CAPZB: variants seen among roughly 807,000 people sequenced by gnomAD.
The protein encoded by CAPZB is capping actin protein of muscle Z-line subunit beta.
CAPZB carries 2 observed loss-of-function variants against 38.1 expected under a neutral mutation model. The observed-to-expected ratio is 0.05, with a 90% CI of 0.02 to 0.17. The LOEUF is 0.17. CAPZB is among the 10% of genes least tolerant of loss of function. The pLI, the probability that CAPZB is intolerant of heterozygous loss-of-function variation, is 1.00. For missense variants in CAPZB, 161 were observed against 334.2 expected (o/e 0.48, Z 4.04); for synonymous variants, 107 against 127.4 (o/e 0.84, Z 1.08).
At chr1:19,362,090 G>C (rs2094056072) in intron 4 of CAPZB, among the ~76,000 whole-genome samples, 1 of 152,192 alleles carries the variant, frequency 6.6e-6, no homozygotes, top group African/African-American at 2.4e-5. Flanking sequence ...ATGGGCCCAG[G>C]ACTCACTACC....
rs1156712866 is a variant in CAPZB, at chr1:19,338,996, G to C, written c.*534C>G. 1 of 152,656 alleles carries C rather than the reference G, an allele frequency of 6.6e-6. No homozygotes were observed. Among genetic ancestry groups the C allele is most frequent in the Non-Finnish European group, 1.5e-5 (1 of 68,546 alleles). The allele number at this position is 152,656 out of a possible 1,614,324, so 9.5% of individuals were successfully genotyped here. On this transcript the variant is annotated 3_prime_UTR_variant, in exon 9 of 9. Transcript: ENST00000264202. ...CAGCCCCCACCCCGCGGCCTCCGTG[G>C]GACGGGAGAGTCTGCGCAGGACGGC...
chr1:19,389,531 C>T (rs1308167366), intron 2 of CAPZB, among the ~76,000 whole-genome samples: 1 of 152,188 alleles, frequency 6.6e-6, no homozygotes, highest in African/African-American at 2.4e-5. Context: ...AGGTTCATGC[C>T]ATTCTCCTGC....
At chr1:19,413,593 C>T (rs1443956889) in intron 2 of CAPZB, among the ~76,000 whole-genome samples, 1 of 152,172 alleles carries the variant, frequency 6.6e-6, no homozygotes, top group Non-Finnish European at 1.5e-5. Flanking sequence ...CTTGGCCTCC[C>T]AAAGTGCTGG....
intron 1 of CAPZB, among the ~76,000 whole-genome samples, chr1:19,428,156 A>G (rs1484846537): frequency 1.3e-5 from 2 of 152,252 alleles, no homozygotes; most frequent in African/African-American, 4.8e-5. Context: ...TAATCCCAGC[A>G]CTTTGGGAGG....
chr1:19,354,954 AAGT>A (rs1270454014), intron 6 of CAPZB, among the ~76,000 whole-genome samples: 1 of 152,124 alleles, frequency 6.6e-6, no homozygotes, highest in Non-Finnish European at 1.5e-5. Context: ...CAAAAAGGCT[AAGT>A]GCCCCCTGTG....
chr1:19,458,707 C>A (rs773945870), intron 1 of CAPZB, among the ~76,000 whole-genome samples: 4 of 152,222 alleles, frequency 2.6e-5, no homozygotes, highest in Non-Finnish European at 5.9e-5. Context: ...CCCTGCTCTG[C>A]GCTACCACCC....
intron 2 of CAPZB, among the ~76,000 whole-genome samples, chr1:19,410,884 C>T (rs1398736515): frequency 1.3e-5 from 2 of 152,186 alleles, no homozygotes; most frequent in African/African-American, 4.8e-5. Context: ...CCCCACAGCA[C>T]GCATCACCTA....
intron 2 of CAPZB, among the ~76,000 whole-genome samples, chr1:19,396,978 G>A (rs976809358): frequency 2.0e-5 from 3 of 151,688 alleles, no homozygotes; most frequent in Non-Finnish European, 2.9e-5. Context: ...AAAGATTATC[G>A]TATTGGCTTG....
chr1:19,388,142 G>A (rs773900048), intron 2 of CAPZB, among the ~76,000 whole-genome samples: 3 of 152,146 alleles, frequency 2.0e-5, no homozygotes, highest in African/African-American at 4.8e-5. Flanking sequence ...AATAGGGTTT[G>A]GTATAAAAGA....
chr1:19,464,872 G>A (rs771106904), intron 1 of CAPZB, among the ~76,000 whole-genome samples: 8 of 152,130 alleles, frequency 5.3e-5, no homozygotes, highest in Non-Finnish European at 1.0e-4. Flanking sequence ...TGGTTGTCTA[G>A]GGATGGGGAA....
At chr1:19,433,686 T>C (rs2094449409) in intron 1 of CAPZB, among the ~76,000 whole-genome samples, 1 of 152,240 alleles carries the variant, frequency 6.6e-6, no homozygotes, top group South Asian at 2.1e-4. Flanking sequence ...GTGCTGCTTT[T>C]TTGACTTATG....
At chr1:19,393,582 G>C (rs1191029805) in intron 2 of CAPZB, among the ~76,000 whole-genome samples, 1 of 152,196 alleles carries the variant, frequency 6.6e-6, no homozygotes, top group Non-Finnish European at 1.5e-5. Flanking sequence ...CTCTTCCAAA[G>C]ACCAGGCCCC....
chr1:19,414,483 A>G (rs2094370863), intron 2 of CAPZB, among the ~76,000 whole-genome samples: 1 of 152,162 alleles, frequency 6.6e-6, no homozygotes, highest in Admixed American at 6.5e-5. Context: ...AAGTCTGGGG[A>G]CACCCAAGAG....
intron 1 of CAPZB, chr1:19,484,588 G>A (rs994396377): frequency 9.8e-6 from 12 of 1,229,432 alleles, no homozygotes; most frequent in Non-Finnish European, 1.2e-5. Context: ...GCACAGCACC[G>A]GGACCACCCC....
chr1:19,455,711 C>T (rs11591124), intron 1 of CAPZB, among the ~76,000 whole-genome samples: 23 of 152,154 alleles, frequency 1.5e-4, no homozygotes, highest in Non-Finnish European at 2.4e-4. Context: ...TTGGCCCTGA[C>T]GCCAATTGTC....
intron 1 of CAPZB, among the ~76,000 whole-genome samples, chr1:19,483,287 T>A (rs1191176832): frequency 6.6e-6 from 1 of 152,232 alleles, no homozygotes; most frequent in African/African-American, 2.4e-5. Flanking sequence ...CCTTCTGACA[T>A]ACAAGCAGCT....
At chr1:19,394,804 T>C (rs570201337) in intron 2 of CAPZB, among the ~76,000 whole-genome samples, 3 of 152,320 alleles carry the variant, frequency 2.0e-5, no homozygotes, top group African/African-American at 2.4e-5. Context: ...ACAGCACATC[T>C]GGCGGAGTAA....
Position 19,356,487 on chromosome 1 carries a change from A to C in CAPZB, c.588+148T>G. ...GCACAGCCCAGAGAGCTTTTATTTGAAAATGCAAAGCCCTACTTAGATGGT... is the reference window on the plus strand; with the variant it reads ...GCACAGCCCAGAGAGCTTTTATTTGCAAATGCAAAGCCCTACTTAGATGGT... On this transcript the variant is annotated intron_variant, in intron 6 of 8. Transcript: ENST00000264202. This position sits in a 1 kb window ranked among gnomAD's most constrained non-coding sequence, Gnocchi z 4.3. 1.4e-6 allele frequency: 1 copy of C among 690,462 alleles called. No homozygotes were observed. The highest frequency in any genetic ancestry group is 2.6e-6 in the Non-Finnish European group (1 of 381,148). 42.8% of individuals were successfully genotyped at this position (690,462 alleles called of 1,614,324 possible).
chr1:19,366,382 C>G (rs1433103103), intron 4 of CAPZB, among the ~76,000 whole-genome samples: 1 of 150,550 alleles, frequency 6.6e-6, no homozygotes, highest in Non-Finnish European at 1.5e-5. Context: ...CAAGGTCATA[C>G]AGGCATGAGT....
Sources: gnomAD v4.1 joint callset for allele counts (sites outside exome capture counted in the v4.1 genomes callset) on GRCh38, gnomAD v4.1.1 for gene constraint, Gnocchi (gnomAD v3.1) non-coding constraint, MANE v1.5 for transcripts, NCBI Gene and HGNC (gene_info 2026-07-23, HGNC 2026-07-21) for gene names.